ZBTB20: variants seen among roughly 807,000 people sequenced by gnomAD.
The protein encoded by ZBTB20 is zinc finger and BTB domain-containing protein 20.
Under a neutral mutation model 56.9 loss-of-function variants are expected in ZBTB20, and 9 were observed. That is an observed-to-expected ratio of 0.16 (90% confidence interval 0.10 to 0.28). The LOEUF is 0.28. ZBTB20 is among the 10% of genes least tolerant of loss of function. ZBTB20 has a pLI of 1.00. For missense variants in ZBTB20, 655 were observed against 1,003.0 expected, an observed-to-expected ratio of 0.65 and a Z score of 4.69; for synonymous variants, 417 against 420.7, an observed-to-expected ratio of 0.99 and a Z score of 0.11.
chr3:114,685,951 A>G (rs1029151716), intron 6 of ZBTB20, among the ~76,000 whole-genome samples: 4 of 152,172 alleles, frequency 2.6e-5, no homozygotes, highest in African/African-American at 9.6e-5. Flanking sequence ...ATATAATTTT[A>G]AAAAAATCTT....
chr3:115,091,269 T>C (rs2083182241), intron 1 of ZBTB20, among the ~76,000 whole-genome samples: 1 of 151,964 alleles, frequency 6.6e-6, no homozygotes, highest in Non-Finnish European at 1.5e-5. Context: ...GGCTAGCAAT[T>C]TCATTTTCAA....
At position 114,487,331 on chromosome 3, in the gene ZBTB20, G is replaced by C. The variant is rs115106979; in HGVS notation, c.-255+13021C>G. Among the ~76,000 whole-genome samples the C allele has an allele frequency of 8.7e-3, 1,330 of 152,318 alleles. 22 individuals carry two copies. Among genetic ancestry groups the C allele is most frequent in the African/African-American group, 0.03 (1,259 of 41,562 alleles). On this transcript the variant is annotated intron_variant, in intron 7 of 11. Coordinates refer to ENST00000675478, the MANE Select transcript of ZBTB20 (RefSeq NM_001348800.3). ...TGCACACCTCAAGAGGTGTTTGACT[G>C]TTCAGGTAGAGGATAAGCCATTTCC...
rs187487972 is a variant in ZBTB20, at chr3:115,004,425, T to G, written c.-506-30009A>C. 8.2e-4 allele frequency among the ~76,000 whole-genome samples: 124 copies of G among 151,796 alleles called. 1 individual carries two copies. The highest frequency in any genetic ancestry group is 2.5e-4 in the Non-Finnish European group (17 of 67,792). On this transcript the variant is annotated intron_variant, in intron 2 of 11. Transcript: ENST00000675478. ...CTTTGCCTTTAAAACAAAATATTTT[T>G]TTTTCCTTAGAGGATAGCTATTTGG... is the stretch of plus-strand genomic sequence containing the variant.
chr3:114,535,075 A>G (rs920979087), intron 6 of ZBTB20, among the ~76,000 whole-genome samples: 6 of 152,220 alleles, frequency 3.9e-5, no homozygotes, highest in African/African-American at 1.4e-4. Context: ...ATCACAATTA[A>G]AAGAGCTAGA....
At chr3:114,695,406 T>C (rs1008087260) in intron 5 of ZBTB20, among the ~76,000 whole-genome samples, 1 of 151,936 alleles carries the variant, frequency 6.6e-6, no homozygotes, top group Non-Finnish European at 1.5e-5. Context: ...GAAGTCTACA[T>C]TGGCACACAT....
chr3:114,509,213 T>C lies in ZBTB20; in HGVS notation c.-294-8822A>G, dbSNP rs73857626. ...AGGCAGTTAAAGAAACAGAAACAAA[T>C]GCGGCTGAGACTGCTTCTTTGGGGA... On this transcript the variant is annotated intron_variant, in intron 6 of 11. Coordinates refer to ENST00000675478, the MANE Select transcript of ZBTB20 (RefSeq NM_001348800.3). Among the ~76,000 whole-genome samples, 683 of 152,206 alleles carry C rather than the reference T, an allele frequency of 4.5e-3. 3 individuals carry two copies. Among genetic ancestry groups the C allele is most frequent in the African/African-American group, 0.016 (656 of 41,528 alleles).
In ZBTB20 at chr3:114,569,374, A is replaced by T. The variant is rs1222579750; in HGVS notation, c.-294-68983T>A. Among the ~76,000 whole-genome samples, 4 of 152,218 alleles carry T rather than the reference A, an allele frequency of 2.6e-5. 1 individual carries two copies. Among genetic ancestry groups the T allele is most frequent in the African/African-American group, 9.6e-5 (4 of 41,466 alleles). ...CACAATACAAAATGAATTTGAACAG[A>T]ATCAGGAAACTCAAGTTTTAGGACC... On this transcript the variant is annotated intron_variant, in intron 6 of 11. Transcript: ENST00000675478.
rs145000828 is a variant in ZBTB20, at chr3:114,476,132, T to C, written c.-255+24220A>G. 4.3e-3 allele frequency among the ~76,000 whole-genome samples: 652 copies of C among 152,316 alleles called. 5 individuals carry two copies. Among genetic ancestry groups the C allele is most frequent in the African/African-American group, 0.015 (613 of 41,580 alleles). On this transcript the variant is annotated intron_variant, in intron 7 of 11. Transcript: ENST00000675478. ...CTGCCTTTTAACTTAATATATAGTA[T>C]AAATAGTTCATACTATTATAGGTTC...
intron 7 of ZBTB20, among the ~76,000 whole-genome samples, chr3:114,457,564 G>T (rs72950689): frequency 0.053 from 8,076 of 152,078 alleles, 567 homozygotes; most frequent in African/African-American, 0.16. Context: ...GGTCATCTGG[G>T]GTTGTATTAT....
At chr3:114,692,684 G>C (rs2062770534) in intron 6 of ZBTB20, among the ~76,000 whole-genome samples, 1 of 152,050 alleles carries the variant, frequency 6.6e-6, no homozygotes, top group Non-Finnish European at 1.5e-5. Context: ...AAAGTCAGCT[G>C]TTTCAAGCTC....
chr3:114,649,800 A>G (rs908241431), intron 6 of ZBTB20, among the ~76,000 whole-genome samples: 1 of 151,988 alleles, frequency 6.6e-6, no homozygotes, highest in African/African-American at 2.4e-5. Flanking sequence ...TCTTTTATAA[A>G]AGCATAAGCT....
At position 114,332,314 on chromosome 3, in the gene ZBTB20, T is replaced by G. The variant is rs890424978; in HGVS notation, c.*6691A>C. 6.6e-6 allele frequency: 1 copy of G among 152,164 alleles called. No individual in the cohort carries two copies. Among genetic ancestry groups the G allele is most frequent in the Non-Finnish European group, 1.5e-5 (1 of 68,020 alleles). The allele number at this position is 152,164 out of a possible 1,614,324, so 9.4% of individuals were successfully genotyped here. On this transcript the variant is annotated 3_prime_UTR_variant, in exon 12 of 12. Transcript: ENST00000675478. ...GAACCACCAGATAAAACAGATGTTC[T>G]CTAAAACTGAGGAAAAAAAGTTTAG...
chr3:114,323,931 C>T lies in ZBTB20; in HGVS notation c.*15074G>A. 6.6e-6 allele frequency: 1 copy of T among 152,144 alleles called. No homozygotes were observed. Among genetic ancestry groups the T allele is most frequent in the East Asian group, 1.9e-4 (1 of 5,194 alleles). The allele number at this position is 152,144 out of a possible 1,614,324, so 9.4% of individuals were successfully genotyped here. On this transcript the variant is annotated 3_prime_UTR_variant, in exon 12 of 12. Transcript: ENST00000675478. Reference sequence around the variant, plus strand: ...CACAAGTAAGTACATTTCAGTAGTGCAATGCAGTGCAGTCATATTTAGTGC... The same window carrying T: ...CACAAGTAAGTACATTTCAGTAGTGTAATGCAGTGCAGTCATATTTAGTGC...
At chr3:114,347,978 A>G (rs1398497251) in intron 11 of ZBTB20, among the ~76,000 whole-genome samples, 1 of 152,210 alleles carries the variant, frequency 6.6e-6, no homozygotes, top group African/African-American at 2.4e-5. Flanking sequence ...TGAGTGCACA[A>G]ATCCTTTGCT....
At chr3:114,644,535 T>A (rs1217365025) in intron 6 of ZBTB20, among the ~76,000 whole-genome samples, 2 of 152,082 alleles carry the variant, frequency 1.3e-5, no homozygotes, top group African/African-American at 4.8e-5. Context: ...GAAACGCAAG[T>A]CAAAACCACA....
intron 6 of ZBTB20, among the ~76,000 whole-genome samples, chr3:114,624,426 T>C (rs1273917884): frequency 3.3e-5 from 5 of 150,302 alleles, no homozygotes; most frequent in African/African-American, 9.7e-5. Context: ...CGGAAAACTT[T>C]ACACCACACC....
At chr3:114,991,556 G>A (rs1372630441) in intron 2 of ZBTB20, among the ~76,000 whole-genome samples, 5 of 152,084 alleles carry the variant, frequency 3.3e-5, no homozygotes, top group Admixed American at 3.3e-4. Flanking sequence ...AGTGCGATGT[G>A]GTGCTGAGAA....
chr3:114,726,894 A>G (rs1020674656), intron 5 of ZBTB20, among the ~76,000 whole-genome samples: 2 of 129,740 alleles, frequency 1.5e-5, no homozygotes, highest in East Asian at 5.3e-4. Context: ...CCTGGGCAAG[A>G]GAGAGAGACT....
At chr3:115,007,506 C>T (rs2079525374) in intron 2 of ZBTB20, among the ~76,000 whole-genome samples, 1 of 151,776 alleles carries the variant, frequency 6.6e-6, no homozygotes. Flanking sequence ...TATTACTTAT[C>T]CCTTTTTCTC....
Sources: gnomAD v4.1 joint callset for allele counts (sites outside exome capture counted in the v4.1 genomes callset) on GRCh38, gnomAD v4.1.1 for gene constraint, MANE v1.5 for transcripts, NCBI Gene and HGNC (gene_info 2026-07-23, HGNC 2026-07-21) for gene names.